TRPM3: variants seen among roughly 807,000 people sequenced by gnomAD.
TRPM3 encodes the protein long transient receptor potential channel 3.
TRPM3 carries 77 observed loss-of-function variants against 181.2 expected under a neutral mutation model. That is an observed-to-expected ratio of 0.42 (90% confidence interval 0.35 to 0.51). TRPM3 has a LOEUF of 0.51. Ranked by LOEUF, TRPM3 falls within the 20% of genes least tolerant of loss-of-function variation. The probability of loss-of-function intolerance (pLI) is 0.01; values close to 1 mark genes in which losing one functional copy is unlikely to be tolerated. For missense variants in TRPM3, 1,759 were observed against 2,196.7 expected (o/e 0.80, Z 3.98); for synonymous variants, 745 against 796.4 (o/e 0.94, Z 1.09).
chr9:70,544,219 T>C (rs531327649), intron 25 of TRPM3, among the ~76,000 whole-genome samples: 4 of 152,308 alleles, frequency 2.6e-5, no homozygotes, highest in African/African-American at 7.2e-5. Flanking sequence ...TTAAAATTTC[T>C]AGATTCTAGA....
intron 8 of TRPM3, among the ~76,000 whole-genome samples, chr9:70,738,846 C>T (rs1421066665): frequency 6.6e-6 from 1 of 152,070 alleles, no homozygotes; most frequent in African/African-American, 2.4e-5. Context: ...GCTACATGAA[C>T]ACCTTTATGT....
chr9:71,063,809 T>C (rs1417791491), intron 1 of TRPM3, among the ~76,000 whole-genome samples: 2 of 152,078 alleles, frequency 1.3e-5, no homozygotes, highest in Non-Finnish European at 2.9e-5. Flanking sequence ...CAAAGGTGTC[T>C]GTGGAGAAGT....
At chr9:71,365,981 G>A (rs1217227887) in intron 1 of TRPM3, among the ~76,000 whole-genome samples, 1 of 152,068 alleles carries the variant, frequency 6.6e-6, no homozygotes, top group East Asian at 1.9e-4. Context: ...AGAGAGATGG[G>A]GAGGGGTGCA....
Position 70,904,148 on chromosome 9 carries a change from C to T in TRPM3, c.178-39637G>A, listed in dbSNP as rs545152928. On this transcript the variant is annotated intron_variant, in intron 1 of 25. Coordinates refer to ENST00000677713, the MANE Select transcript of TRPM3 (RefSeq NM_001366145.2). The stretch of plus-strand genomic sequence containing the variant: ...GAGGTGAGAGGATCACCTGAGTCCC[C>T]GGAGGTCAAGGCTGCAGTGAGCCCT... Among the ~76,000 whole-genome samples, 37 of 152,108 alleles carry T rather than the reference C, an allele frequency of 2.4e-4. No individual in the cohort carries two copies. In the South Asian group the frequency reaches 5.0e-3, roughly 20 times the overall value.
At chr9:70,908,348 G>A (rs1170654992) in intron 1 of TRPM3, among the ~76,000 whole-genome samples, 2 of 152,308 alleles carry the variant, frequency 1.3e-5, no homozygotes, top group Non-Finnish European at 2.9e-5. Context: ...GAAAGGTAGA[G>A]AGTTTCACCT....
intron 1 of TRPM3, among the ~76,000 whole-genome samples, chr9:71,284,412 T>TA (rs2085103599): frequency 6.6e-6 from 1 of 152,172 alleles, no homozygotes; most frequent in Non-Finnish European, 1.5e-5. Flanking sequence ...GCCATCCTTA[T>TA]ATGTGAAGAA....
At chr9:70,883,555 C>G (rs1589512213) in intron 1 of TRPM3, among the ~76,000 whole-genome samples, 1 of 152,190 alleles carries the variant, frequency 6.6e-6, no homozygotes, top group Non-Finnish European at 1.5e-5. Context: ...GTCTCTGATG[C>G]TTTTCCCATT....
chr9:70,663,485 T>A (rs1180858609), intron 9 of TRPM3, among the ~76,000 whole-genome samples: 1 of 152,212 alleles, frequency 6.6e-6, no homozygotes, highest in Non-Finnish European at 1.5e-5. Flanking sequence ...GTGGTTATAA[T>A]AATTTATCAG....
At chr9:71,074,545 C>T (rs749461830) in intron 1 of TRPM3, among the ~76,000 whole-genome samples, 2 of 152,168 alleles carry the variant, frequency 1.3e-5, no homozygotes, top group East Asian at 3.9e-4. Context: ...AAAGTAATTG[C>T]GGTTTTTGCC....
chr9:71,181,794 T>A (rs2077420407), intron 1 of TRPM3, among the ~76,000 whole-genome samples: 1 of 152,120 alleles, frequency 6.6e-6, no homozygotes, highest in Non-Finnish European at 1.5e-5. Context: ...AGGTGAACAA[T>A]CCTTAGACAT....
At chr9:70,599,825 T>C (rs1464572849) in intron 20 of TRPM3, among the ~76,000 whole-genome samples, 1 of 152,218 alleles carries the variant, frequency 6.6e-6, no homozygotes, top group African/African-American at 2.4e-5. Flanking sequence ...TACTGTAGCT[T>C]TTATATGTAT....
chr9:70,807,241 G>T (rs572165998), intron 6 of TRPM3, among the ~76,000 whole-genome samples: 1 of 152,226 alleles, frequency 6.6e-6, no homozygotes, highest in East Asian at 1.9e-4. Context: ...CCATGGAAAT[G>T]GAAATACTGA....
chr9:70,856,029 G>A (rs1268545550), intron 3 of TRPM3, among the ~76,000 whole-genome samples: 2 of 152,108 alleles, frequency 1.3e-5, no homozygotes, highest in East Asian at 3.9e-4. Context: ...ACTTACAGGG[G>A]ATGGATGCTG....
At chr9:71,003,294 CA>C (rs1410543473) in intron 1 of TRPM3, among the ~76,000 whole-genome samples, 1 of 151,288 alleles carries the variant, frequency 6.6e-6, no homozygotes, top group Non-Finnish European at 1.5e-5. Flanking sequence ...GTGTATATGG[CA>C]CTTTATTGTG....
intron 9 of TRPM3, among the ~76,000 whole-genome samples, chr9:70,677,725 T>A (rs7045361): frequency 0.087 from 13,229 of 152,296 alleles, 704 homozygotes; most frequent in South Asian, 0.15. Flanking sequence ...GGCTGGAATG[T>A]CACATAAAAA....
chr9:71,339,195 TTATA>T, intron 1 of TRPM3, among the ~76,000 whole-genome samples: 1 of 152,184 alleles, frequency 6.6e-6, no homozygotes, highest in South Asian at 2.1e-4. Flanking sequence ...AAATGGAGAC[TTATA>T]TAAATTAAAA....
chr9:70,619,907 C>T lies in TRPM3; in HGVS notation c.2129+169G>A, dbSNP rs79233233. Reference sequence around the variant, plus strand: ...TCCATGTTTCTGTAGGTACCACCATCTGTGGCACTGTGCACAATAAAGGGG... The same window carrying T: ...TCCATGTTTCTGTAGGTACCACCATTTGTGGCACTGTGCACAATAAAGGGG... On this transcript the variant is annotated intron_variant, in intron 16 of 25. Transcript: ENST00000677713. Among the ~76,000 whole-genome samples the T allele has an allele frequency of 2.6e-4, 40 of 152,300 alleles. No individual in the cohort carries two copies. The East Asian group carries it at 7.7e-3, about 29-fold the overall frequency.
At chr9:71,265,652 C>A (rs1588194464) in intron 1 of TRPM3, among the ~76,000 whole-genome samples, 1 of 152,316 alleles carries the variant, frequency 6.6e-6, no homozygotes, top group East Asian at 1.9e-4. Context: ...ATTGCTTACA[C>A]TCCTCCATGA....
rs149317116 is a variant in TRPM3 at position 71,184,527 on chromosome 9, T to C, written c.183+262126A>G. Among the ~76,000 whole-genome samples the C allele has an allele frequency of 6.1e-3, 931 of 152,262 alleles. 13 individuals carry two copies. Among genetic ancestry groups the C allele is most frequent in the African/African-American group, 0.021 (881 of 41,576 alleles). On this transcript the variant is annotated intron_variant, in intron 1 of 24. Coordinates refer to the TRPM3 transcript ENST00000357533. The stretch of plus-strand genomic sequence containing the variant: ...GACCTGGGCTTCTCTCAGTATCTGT[T>C]AGTCCTTGATTCCTTCTGTAATTGG...
Sources: allele counts gnomAD v4.1 joint callset (sites outside exome capture counted in the v4.1 genomes callset), GRCh38; gene constraint gnomAD v4.1.1; transcripts MANE v1.5; gene names NCBI Gene and HGNC (gene_info 2026-07-23, HGNC 2026-07-21).